AVPI1: variants seen among roughly 807,000 people sequenced by gnomAD.
The protein encoded by AVPI1 is arginine vasopressin-induced protein 1.
In AVPI1, 9 loss-of-function variants were observed where a neutral mutation model predicts 11.9. That is an observed-to-expected ratio of 0.76 (90% CI 0.46 to 1.32). The LOEUF (loss-of-function observed/expected upper bound fraction) is 1.32. Among genes scored for constraint, AVPI1 ranks in the 40% most tolerant of loss-of-function variants. The pLI is 0.00. For synonymous variants in AVPI1, 68 were observed against 78.1 expected (o/e 0.87, Z 0.68); for missense variants, 207 against 195.8 (o/e 1.06, Z -0.34).
intron 2 of AVPI1, among the ~76,000 whole-genome samples, chr10:97,678,960 T>TCGCC (rs1564779958): frequency 0.025 from 1,204 of 47,692 alleles, 161 homozygotes; most frequent in Middle Eastern, 0.081. Context: ...TGTGTGTGTG[T>TCGCC]GTGTGTGTGT....
At position 97,678,958 on chromosome 10, in the gene AVPI1, T is replaced by TCA. The variant is rs1564779945; in HGVS notation, c.287+660_287+661insTG. Among the ~76,000 whole-genome samples the TCA allele has an allele frequency of 8.3e-4, 50 of 60,322 alleles. 5 individuals are homozygous for TCA. The highest frequency in any genetic ancestry group is 1.7e-3 in the South Asian group (3 of 1,812). 39.6% of individuals were successfully genotyped at this position (60,322 alleles called of 152,430 possible). ...GTGTGTGTGTGTGTGTGTGTGTGTG[T>TCA]GTGTGTGTGTGTGTGTGTGTGTGTG... On this transcript the variant is annotated intron_variant, in intron 2 of 2. Coordinates refer to ENST00000370626, the MANE Select transcript of AVPI1 (RefSeq NM_021732.3).
chr10:97,678,534 CAG>C (rs2041678418), intron 2 of AVPI1, among the ~76,000 whole-genome samples: 1 of 152,158 alleles, frequency 6.6e-6, no homozygotes, highest in Non-Finnish European at 1.5e-5. Flanking sequence ...CCTGGGCTGG[CAG>C]TGGCCTAGGC....
chr10:97,686,923 G>A lies in AVPI1; in HGVS notation c.-168C>T, dbSNP rs975484322. 1 of 152,340 alleles carries A rather than the reference G, an allele frequency of 6.6e-6. No homozygotes were observed. The highest frequency in any genetic ancestry group is 1.5e-5 in the Non-Finnish European group (1 of 68,170). The allele number at this position is 152,340 out of a possible 1,614,324, so 9.4% of individuals were successfully genotyped here. ...TGATCACGGGCAGCACAAGAGCATG[G>A]CAGAGGGTATCCTGGCCGAGGTCCT... On this transcript the variant is annotated 5_prime_UTR_variant, in exon 1 of 3. Coordinates refer to ENST00000370626, the MANE Select transcript of AVPI1 (RefSeq NM_021732.3).
intron 1 of AVPI1, among the ~76,000 whole-genome samples, chr10:97,681,283 T>A (rs1429981911): frequency 6.6e-6 from 1 of 152,070 alleles, no homozygotes; most frequent in Non-Finnish European, 1.5e-5. Flanking sequence ...AAATAAAAAA[T>A]TTAAGAATAC....
chr10:97,677,897 G>A lies in AVPI1; in HGVS notation c.416C>T (p.Thr139Ile), dbSNP rs142341567. 6 of 1,614,092 alleles carry A rather than the reference G, an allele frequency of 3.7e-6. No individual in the cohort carries two copies. The African/African-American group carries it at 8.0e-5, about 22-fold the overall frequency. The part of the protein sequence containing the change: ...IRRNWRKSGP[T>I]SYLHQIRH ...GTGTCTGATCTGGTGGAGGTAGCTTGTGGGGCCTGACTTCCTCCAGTTCCG... is the reference window on the plus strand; with the variant it reads ...GTGTCTGATCTGGTGGAGGTAGCTTATGGGGCCTGACTTCCTCCAGTTCCG... Residue 139 changes from threonine (T) to isoleucine (I), a missense_variant, in exon 3 of 3, where the codon ACA (threonine) becomes ATA (isoleucine). Thr to Ile is a moderately conservative substitution (Grantham distance 89). Coordinates refer to ENST00000370626, the MANE Select transcript of AVPI1 (RefSeq NM_021732.3).
chr10:97,679,652 A>G lies in AVPI1; in HGVS notation c.254T>C (p.Leu85Pro), dbSNP rs772464144. Residue 85 changes from leucine (L) to proline (P), a missense_variant, in exon 2 of 3, where the codon CTG becomes CCG. Physicochemically the swap from Leu to Pro is moderately conservative, Grantham distance 98. Coordinates refer to ENST00000370626, the MANE Select transcript of AVPI1 (RefSeq NM_021732.3). The stretch of plus-strand genomic sequence containing the variant: ...GCTGCAGTGGTGTAGCGAGTGGCCC[A>G]GGGGTTTCTGCCTTGGGGGCCTCTT... ...RRKRPPRQKPLGHSLHHCSRL... is the reference protein window; with the variant it reads ...RRKRPPRQKPPGHSLHHCSRL... 33 of 1,613,590 alleles carry G rather than the reference A, an allele frequency of 2.0e-5. No homozygotes were observed. The Admixed American group carries it at 2.7e-4, about 13-fold the overall frequency.
chr10:97,681,792 G>A (rs2041705475), intron 1 of AVPI1, among the ~76,000 whole-genome samples: 1 of 149,934 alleles, frequency 6.7e-6, no homozygotes, highest in African/African-American at 2.4e-5. Context: ...GCAGGAGAAT[G>A]GCGTGAACCC....
chr10:97,681,901 A>AG (rs1261486542), intron 1 of AVPI1, among the ~76,000 whole-genome samples: 1 of 151,128 alleles, frequency 6.6e-6, no homozygotes, highest in African/African-American at 2.4e-5. Context: ...AAAGAAAAAA[A>AG]AAAAAAAAAG....
intron 1 of AVPI1, among the ~76,000 whole-genome samples, chr10:97,686,060 A>C (rs191514315): frequency 9.2e-5 from 14 of 152,258 alleles, no homozygotes; most frequent in Admixed American, 9.2e-4. Context: ...AGGTGGGAGG[A>C]TTGCTTGAGC....
intron 2 of AVPI1, among the ~76,000 whole-genome samples, chr10:97,678,880 G>GGTGTGTGT (rs1255604041): frequency 2.6e-5 from 3 of 113,440 alleles, no homozygotes; most frequent in Admixed American, 9.8e-5. Context: ...GCGGGGGGAG[G>GGTGTGTGT]GTGTGTGTGT....
At chr10:97,684,291 C>T (rs2041718468) in intron 1 of AVPI1, among the ~76,000 whole-genome samples, 1 of 152,108 alleles carries the variant, frequency 6.6e-6, no homozygotes, top group African/African-American at 2.4e-5. Context: ...GCAGCAGCTG[C>T]CTCGGGGAGG....
intron 1 of AVPI1, among the ~76,000 whole-genome samples, chr10:97,682,547 TG>T (rs1342892157): frequency 6.6e-6 from 1 of 152,218 alleles, no homozygotes; most frequent in African/African-American, 2.4e-5. Flanking sequence ...ACCTGCCTTT[TG>T]TTCTCTGTAA....
intron 1 of AVPI1, among the ~76,000 whole-genome samples, chr10:97,683,793 G>A (rs1017255951): frequency 3.3e-5 from 5 of 152,218 alleles, no homozygotes; most frequent in African/African-American, 1.2e-4. Flanking sequence ...CGAGTCAGAG[G>A]AGTCGGTTCA....
At chr10:97,678,144 C>T (rs1355658411) in intron 2 of AVPI1, 119 bp from the exon 3 acceptor site, 2 of 1,143,994 alleles carry the variant, frequency 1.7e-6, no homozygotes, top group Non-Finnish European at 2.5e-6. Flanking sequence ...GAGAGCGGGG[C>T]TCTGCTCTGG....
intron 1 of AVPI1, among the ~76,000 whole-genome samples, chr10:97,685,116 A>G (rs1016700590): frequency 6.6e-6 from 1 of 152,216 alleles, no homozygotes; most frequent in African/African-American, 2.4e-5. Flanking sequence ...TGGACCTTTC[A>G]TTTCAGAACT....
intron 1 of AVPI1, among the ~76,000 whole-genome samples, chr10:97,682,888 C>T (rs1176175160): frequency 6.6e-6 from 1 of 152,142 alleles, no homozygotes; most frequent in African/African-American, 2.4e-5. Context: ...TAATTAAGCC[C>T]CCAGAGCTGG....
chr10:97,679,100 G>C (rs2041688007), intron 2 of AVPI1, among the ~76,000 whole-genome samples: 1 of 149,644 alleles, frequency 6.7e-6, no homozygotes, highest in African/African-American at 2.5e-5. Flanking sequence ...CTTTCCATGG[G>C]AGTTCACAGG....
chr10:97,677,941 C>T lies in AVPI1; in HGVS notation c.372G>A (p.Lys124=). The change falls in exon 3 of 3, where the codon AAG becomes AAA. Residue 124 remains lysine, a synonymous_variant. Transcript: ENST00000370626. ...AGTTCCGGCGGATCCTGGCACTTTT[C>T]TTCCTAGAGTGCAGATACTGCTCAC... The part of the protein sequence containing the change: ...ASSEQYLHSR[K]KSARIRRNWR... 6.2e-7 allele frequency: 1 copy of T among 1,614,130 alleles called. No individual in the cohort carries two copies. The highest frequency in any genetic ancestry group is 1.1e-5 in the South Asian group (1 of 91,076).
At chr10:97,686,151 G>A (rs2041727544) in intron 1 of AVPI1, among the ~76,000 whole-genome samples, 2 of 152,156 alleles carry the variant, frequency 1.3e-5, no homozygotes, top group Non-Finnish European at 2.9e-5. Context: ...AATAAATGGT[G>A]AGTATAAATA....
Sources: gnomAD v4.1 joint callset for allele counts (sites outside exome capture counted in the v4.1 genomes callset) on GRCh38, gnomAD v4.1.1 for gene constraint, MANE v1.5 for transcripts, NCBI Gene and HGNC (gene_info 2026-07-23, HGNC 2026-07-21) for gene names.